Variants in SLC6A11 observed in about 807,000 individuals in gnomAD.
The protein encoded by SLC6A11 is sodium- and chloride-dependent GABA transporter 3.
SLC6A11 carries 25 observed loss-of-function variants against 74.8 expected under a neutral mutation model. The observed-to-expected ratio is 0.33, with a 90% CI of 0.24 to 0.47. The LOEUF is 0.47. Among genes scored for constraint, SLC6A11 ranks in the 20% least tolerant of loss-of-function variants. SLC6A11 has a pLI of 1.00. For synonymous variants in SLC6A11, 330 were observed against 330.2 expected (o/e 1.00, Z 0.01); for missense variants, 574 against 837.0 (o/e 0.69, Z 3.88).
chr3:10,906,879 G>T (rs3821757), intron 6 of SLC6A11, among the ~76,000 whole-genome samples: 2 of 152,060 alleles, frequency 1.3e-5, no homozygotes, highest in Admixed American at 1.3e-4. Flanking sequence ...GGAAAGTTCA[G>T]ACTGCAAGTC....
chr3:10,844,453 T>C, intron 5 of SLC6A11, 107 bp downstream of exon 5: 2 of 1,397,792 alleles, frequency 1.4e-6, no homozygotes. Context: ...AGCACTTAAG[T>C]TGGGAGCGGG....
At chr3:10,929,560 G>T (rs1486349430) in intron 10 of SLC6A11, among the ~76,000 whole-genome samples, 1 of 152,182 alleles carries the variant, frequency 6.6e-6, no homozygotes, top group Non-Finnish European at 1.5e-5. Context: ...GGCCGCGGCT[G>T]TTATTCACAG....
In SLC6A11 at chr3:10,816,360, G is replaced by A. The variant is rs758188660; in HGVS notation, c.95G>A (p.Gly32Asp). 4 of 1,462,606 alleles carry A rather than the reference G, an allele frequency of 2.7e-6. No individual in the cohort carries two copies. Among genetic ancestry groups the A allele is most frequent in the South Asian group, 2.8e-5 (2 of 72,126 alleles). The allele number at this position is 1,462,606 out of a possible 1,614,324, so 90.6% of individuals were successfully genotyped here. ...CCGGGTGGCGGCTGCAGCAGCGGGG[G>A]CGCGGCGCCCGCGCGCCACCCGCGC... ...EAPGGGCSSGGAAPARHPRVK... is the reference protein window; with the variant it reads ...EAPGGGCSSGDAAPARHPRVK... Residue 32 changes from glycine (G) to aspartate (D), a missense_variant, in exon 1 of 14, where the codon GGC becomes GAC. By Grantham distance (94) the Gly-to-Asp change is moderately conservative. Transcript: ENST00000254488. The surrounding 1 kb of genome is among the most constrained non-coding windows in gnomAD (Gnocchi z 4.2).
intron 4 of SLC6A11, among the ~76,000 whole-genome samples, chr3:10,843,451 A>G (rs1694463319): frequency 6.6e-6 from 1 of 152,016 alleles, no homozygotes; most frequent in Non-Finnish European, 1.5e-5. Context: ...TCCACCTAAA[A>G]CCGTCTCCAC....
intron 6 of SLC6A11, among the ~76,000 whole-genome samples, chr3:10,886,073 A>G (rs779432749): frequency 2.6e-5 from 4 of 152,212 alleles, no homozygotes; most frequent in Non-Finnish European, 2.9e-5. Context: ...AGTAGTGACC[A>G]AGCAGCAGGA....
At chr3:10,819,952 C>A in intron 3 of SLC6A11, 100 bp downstream of exon 3, 1 of 1,288,412 alleles carries the variant, frequency 7.8e-7, no homozygotes, top group Non-Finnish European at 1.1e-6. Flanking sequence ...GGCCTCTCGT[C>A]ATGAGTCCAG....
chr3:10,938,439 TCCC>T lies in SLC6A11; in HGVS notation c.*41_*43del, dbSNP rs749375025. The T allele has an allele frequency of 1.3e-6, 2 of 1,549,204 alleles. No individual in the cohort carries two copies. Among genetic ancestry groups the T allele is most frequent in the African/African-American group, 2.7e-5 (2 of 73,276 alleles). ...CCATCTGGGGCTCTTCTTCCTTTCTTCCCCCCGTGTATGTAAATGAATTCCTGA... is the reference window on the plus strand; with the variant it reads ...CCATCTGGGGCTCTTCTTCCTTTCTTCCCGTGTATGTAAATGAATTCCTGA... On this transcript the variant is annotated 3_prime_UTR_variant, in exon 14 of 14. Coordinates refer to ENST00000254488, the MANE Select transcript of SLC6A11 (RefSeq NM_014229.3).
chr3:10,836,226 G>T (rs899122149), intron 4 of SLC6A11, among the ~76,000 whole-genome samples: 1 of 152,164 alleles, frequency 6.6e-6, no homozygotes, highest in Non-Finnish European at 1.5e-5. Context: ...ATAAAATACT[G>T]TTGCATGGGT....
intron 7 of SLC6A11, among the ~76,000 whole-genome samples, chr3:10,917,735 A>G (rs970928738): frequency 1.3e-5 from 2 of 152,126 alleles, no homozygotes; most frequent in Non-Finnish European, 2.9e-5. Context: ...AAACCTCTCC[A>G]TGCAAGGGTT....
At chr3:10,865,526 G>A (rs1023314112) in intron 5 of SLC6A11, among the ~76,000 whole-genome samples, 1 of 152,198 alleles carries the variant, frequency 6.6e-6, no homozygotes, top group African/African-American at 2.4e-5. Context: ...AGCTGGGTGT[G>A]GTAGCATGCA....
chr3:10,829,500 G>A (rs915809437), intron 4 of SLC6A11, among the ~76,000 whole-genome samples: 1 of 152,182 alleles, frequency 6.6e-6, no homozygotes, highest in South Asian at 2.1e-4. Context: ...GCAACATCCA[G>A]TTCTGCTAGT....
chr3:10,824,388 T>G (rs1444980806), intron 4 of SLC6A11: 1 of 152,150 alleles, frequency 6.6e-6, no homozygotes, highest in African/African-American at 2.4e-5. Flanking sequence ...TATGTGTGTG[T>G]GGTGGGGCAG....
intron 7 of SLC6A11, among the ~76,000 whole-genome samples, chr3:10,912,562 C>T (rs1695401358): frequency 6.6e-6 from 1 of 152,240 alleles, no homozygotes. Context: ...TAGAAATCTG[C>T]TTCCTGCCCT....
intron 4 of SLC6A11, among the ~76,000 whole-genome samples, chr3:10,833,636 A>C (rs1694327435): frequency 6.6e-6 from 1 of 152,202 alleles, no homozygotes; most frequent in Non-Finnish European, 1.5e-5. Flanking sequence ...TGGGGCCAAC[A>C]GTAAGAATTT....
intron 4 of SLC6A11, among the ~76,000 whole-genome samples, chr3:10,842,065 A>C (rs1694445365): frequency 6.6e-6 from 1 of 152,230 alleles, no homozygotes. Context: ...GTAAGCCCAC[A>C]GGGCTCTTAA....
At chr3:10,843,469 T>C (rs112454313) in intron 4 of SLC6A11, among the ~76,000 whole-genome samples, 1 of 152,186 alleles carries the variant, frequency 6.6e-6, no homozygotes, top group African/African-American at 2.4e-5. Context: ...CACTTCCTTC[T>C]TCTTCTGACC....
At chr3:10,826,021 AAAC>A (rs1694204932) in intron 4 of SLC6A11, among the ~76,000 whole-genome samples, 1 of 152,284 alleles carries the variant, frequency 6.6e-6, no homozygotes, top group South Asian at 2.1e-4. Flanking sequence ...TTGTTGAATT[AAAC>A]AAGAATAGCA....
intron 4 of SLC6A11, among the ~76,000 whole-genome samples, chr3:10,841,202 A>G (rs1575672230): frequency 6.6e-6 from 1 of 152,054 alleles, no homozygotes; most frequent in African/African-American, 2.4e-5. Context: ...GTGTCGGGGG[A>G]GGTCTGTCTC....
At chr3:10,897,387 G>A (rs1695183772) in intron 6 of SLC6A11, among the ~76,000 whole-genome samples, 1 of 152,182 alleles carries the variant, frequency 6.6e-6, no homozygotes, top group South Asian at 2.1e-4. Context: ...CTGCCTATGA[G>A]TCTGTAAAAT....
Sources: gnomAD v4.1 joint callset for allele counts (sites outside exome capture counted in the v4.1 genomes callset) on GRCh38, gnomAD v4.1.1 for gene constraint, Gnocchi (gnomAD v3.1) non-coding constraint, MANE v1.5 for transcripts, NCBI Gene and HGNC (gene_info 2026-07-23, HGNC 2026-07-21) for gene names.